The following ADARB2 variants were observed in gnomAD, a reference collection of about 807,000 sequenced individuals.
The protein encoded by ADARB2 is adenosine deaminase RNA specific B2 (inactive).
Under a neutral mutation model 62.2 loss-of-function variants are expected in ADARB2, and 25 were observed. The observed-to-expected ratio is 0.40, with a 90% CI of 0.29 to 0.56. The LOEUF (loss-of-function observed/expected upper bound fraction) is 0.56, where lower values mean the gene tolerates loss of function less well. Among genes scored for constraint, ADARB2 ranks in the 20% least tolerant of loss-of-function variants. The pLI is 0.43. For synonymous variants in ADARB2, 572 were observed against 500.8 expected (o/e 1.14, Z -1.90); for missense variants, 1,071 against 1,077.4 (o/e 0.99, Z 0.08).
At chr10:1,435,228 G>T (rs1019658014) in intron 1 of ADARB2, among the ~76,000 whole-genome samples, 1 of 152,222 alleles carries the variant, frequency 6.6e-6, no homozygotes, top group Non-Finnish European at 1.5e-5. Flanking sequence ...CAGATGAACG[G>T]CAGGAGCTCA....
chr10:1,633,645 C>T (rs1000210088), intron 1 of ADARB2, among the ~76,000 whole-genome samples: 3 of 139,034 alleles, frequency 2.2e-5, no homozygotes, highest in African/African-American at 7.6e-5. Flanking sequence ...ATCCATCTAT[C>T]ATACTGGTTC....
chr10:1,289,280 C>T (rs566793630), intron 3 of ADARB2, among the ~76,000 whole-genome samples: 18 of 152,346 alleles, frequency 1.2e-4, no homozygotes, highest in South Asian at 4.1e-4. Context: ...CAATCCTACA[C>T]GTATTGAATG....
chr10:1,425,686 C>T (rs141504488), intron 1 of ADARB2, among the ~76,000 whole-genome samples: 1 of 152,378 alleles, frequency 6.6e-6, no homozygotes, highest in African/African-American at 2.4e-5. Context: ...TAAAAACCAG[C>T]TGTGCTCCTG....
At chr10:1,573,805 A>G (rs993248039) in intron 1 of ADARB2, among the ~76,000 whole-genome samples, 1 of 152,162 alleles carries the variant, frequency 6.6e-6, no homozygotes, top group Non-Finnish European at 1.5e-5. Flanking sequence ...TGCAAGCTCA[A>G]CGGGGTCTTG....
intron 1 of ADARB2, among the ~76,000 whole-genome samples, chr10:1,710,525 T>G (rs1564201391): frequency 6.6e-6 from 1 of 152,252 alleles, no homozygotes. Flanking sequence ...CAGCCTGCAC[T>G]TGGGTGCTGG....
At chr10:1,254,677 G>A (rs948449471) in intron 4 of ADARB2, among the ~76,000 whole-genome samples, 1 of 152,214 alleles carries the variant, frequency 6.6e-6, no homozygotes, top group African/African-American at 2.4e-5. Context: ...TTTTCACCTG[G>A]CTGTGTGATG....
At chr10:1,690,003 TTTTG>T (rs145064407) in intron 1 of ADARB2, among the ~76,000 whole-genome samples, 1,743 of 152,314 alleles carry the variant, frequency 0.011, 30 homozygotes, top group African/African-American at 0.039. Flanking sequence ...TTTTGTTTGT[TTTTG>T]TTTGTTTTTG....
chr10:1,730,619 G>A (rs976612162), intron 1 of ADARB2, among the ~76,000 whole-genome samples: 8 of 149,716 alleles, frequency 5.3e-5, no homozygotes, highest in South Asian at 2.1e-4. Context: ...AGTCACCTGA[G>A]CATTTATATC....
intron 1 of ADARB2, among the ~76,000 whole-genome samples, chr10:1,568,396 C>T (rs953663543): frequency 4.6e-5 from 7 of 152,214 alleles, no homozygotes; most frequent in South Asian, 2.1e-4. Context: ...GGTCCAGCTG[C>T]GGGGCCGTCT....
chr10:1,638,881 G>A (rs765232062), intron 1 of ADARB2, among the ~76,000 whole-genome samples: 5 of 152,148 alleles, frequency 3.3e-5, no homozygotes, highest in South Asian at 2.1e-4. Context: ...CTTCTCATCC[G>A]TGCTCCCTCC....
intron 3 of ADARB2, among the ~76,000 whole-genome samples, chr10:1,306,019 C>T (rs1333422673): frequency 1.3e-5 from 2 of 152,228 alleles, no homozygotes; most frequent in Non-Finnish European, 2.9e-5. Context: ...TGCCCTATCT[C>T]ACCACTCCTA....
At chr10:1,345,440 G>T (rs956635754) in intron 3 of ADARB2, among the ~76,000 whole-genome samples, 6 of 152,184 alleles carry the variant, frequency 3.9e-5, no homozygotes, top group African/African-American at 1.4e-4. Context: ...GCTTTCCTTT[G>T]GTTCCATCAG....
At chr10:1,325,009 G>C (rs1322696299) in intron 3 of ADARB2, among the ~76,000 whole-genome samples, 1 of 152,206 alleles carries the variant, frequency 6.6e-6, no homozygotes, top group Non-Finnish European at 1.5e-5. Context: ...CTATGTCCTA[G>C]AACGCTGTGA....
intron 2 of ADARB2, among the ~76,000 whole-genome samples, chr10:1,373,249 CTG>C (rs1832388514): frequency 1.3e-5 from 2 of 152,110 alleles, no homozygotes; most frequent in South Asian, 4.2e-4. Context: ...CTCTCTGTCT[CTG>C]TGTCTCTCTC....
chr10:1,532,614 G>A (rs1326255898), intron 1 of ADARB2, among the ~76,000 whole-genome samples: 1 of 152,118 alleles, frequency 6.6e-6, no homozygotes, highest in Non-Finnish European at 1.5e-5. Flanking sequence ...CATGTTATGG[G>A]CAGCTGTCCA....
chr10:1,224,933 C>A (rs1276229054), intron 6 of ADARB2, among the ~76,000 whole-genome samples: 1 of 152,194 alleles, frequency 6.6e-6, no homozygotes, highest in Admixed American at 6.5e-5. Flanking sequence ...CTATTAGGTC[C>A]ACTTGGTGCA....
At chr10:1,470,327 G>A (rs1241231047) in intron 1 of ADARB2, among the ~76,000 whole-genome samples, 2 of 152,328 alleles carry the variant, frequency 1.3e-5, no homozygotes, top group East Asian at 3.9e-4. Flanking sequence ...TCCAACTGCA[G>A]TACACACGTC....
At chr10:1,539,020 T>C (rs979866219) in intron 1 of ADARB2, among the ~76,000 whole-genome samples, 2 of 152,178 alleles carry the variant, frequency 1.3e-5, no homozygotes, top group African/African-American at 4.8e-5. Context: ...GAGACCTGCC[T>C]GGCTCCACAC....
intron 1 of ADARB2, 95 bp downstream of exon 1, chr10:1,736,956 C>T (rs902753537): frequency 2.3e-6 from 3 of 1,305,380 alleles, no homozygotes; most frequent in African/African-American, 2.9e-5. Flanking sequence ...AGTGAAGCTG[C>T]TCACAACGGA....
Sources: gnomAD v4.1 joint callset for allele counts (sites outside exome capture counted in the v4.1 genomes callset) on GRCh38, gnomAD v4.1.1 for gene constraint, MANE v1.5 for transcripts, NCBI Gene and HGNC (gene_info 2026-07-23, HGNC 2026-07-21) for gene names.